Variants in AFAP1L2 observed in about 807,000 individuals in gnomAD.
AFAP1L2 encodes the protein actin filament-associated protein 1-like 2.
AFAP1L2 carries 46 observed loss-of-function variants against 99.3 expected under a neutral mutation model. The observed-to-expected ratio is 0.46, with a 90% CI of 0.37 to 0.59. The LOEUF (loss-of-function observed/expected upper bound fraction) is 0.59. Among genes scored for constraint, AFAP1L2 ranks in the 20% least tolerant of loss-of-function variants. The pLI is 0.00. For synonymous variants in AFAP1L2, 397 were observed against 419.1 expected (o/e 0.95, Z 0.64); for missense variants, 959 against 1,034.9 (o/e 0.93, Z 1.01).
At chr10:114,304,019 T>C (rs948918896) in intron 11 of AFAP1L2, among the ~76,000 whole-genome samples, 1 of 152,210 alleles carries the variant, frequency 6.6e-6, no homozygotes, top group Admixed American at 6.5e-5. Context: ...CATATTCCTG[T>C]GCTGAGAAGA....
intron 5 of AFAP1L2, among the ~76,000 whole-genome samples, chr10:114,320,561 T>C (rs931584800): frequency 6.6e-6 from 1 of 152,194 alleles, no homozygotes; most frequent in African/African-American, 2.4e-5. Flanking sequence ...CAGGGCTATG[T>C]TCCCTCCCAC....
In AFAP1L2 at chr10:114,351,414, T is replaced by A. The variant is rs774682532; in HGVS notation, c.17-10683A>T. On this transcript the variant is annotated intron_variant, in intron 1 of 18. Transcript: ENST00000304129. ...GGGGGAAAATCACCGTATGTCCAGA[T>A]TTACTGTTTCCTTCCAGCATTTGGC... Among the ~76,000 whole-genome samples, 38 of 152,302 alleles carry A rather than the reference T, an allele frequency of 2.5e-4. No homozygotes were observed. The Middle Eastern group carries it at 0.024, about 95-fold the overall frequency.
rs1589944190 is a variant in AFAP1L2, at chr10:114,301,642, G to T, written c.1431-177C>A. Reference sequence around the variant, plus strand: ...GGCACCTCCTCCCTCTTTTCCCAGTGCCTTCTTCCTGAAATTCTTGGTTCG... The same window carrying T: ...GGCACCTCCTCCCTCTTTTCCCAGTTCCTTCTTCCTGAAATTCTTGGTTCG... On this transcript the variant is annotated intron_variant, in intron 12 of 18. Coordinates refer to ENST00000304129, the MANE Select transcript of AFAP1L2 (RefSeq NM_001001936.3). The T allele has an allele frequency of 2.9e-5, 17 of 579,648 alleles. No individual in the cohort carries two copies. In the East Asian group the frequency reaches 4.7e-4, roughly 16 times the overall value. 35.9% of individuals were successfully genotyped at this position (579,648 alleles called of 1,614,324 possible). A position where few individuals can be genotyped will look rare whatever the true frequency, so the allele number is the denominator to read the frequency against.
intron 10 of AFAP1L2, among the ~76,000 whole-genome samples, chr10:114,306,365 G>C (rs1438660770): frequency 6.7e-6 from 1 of 149,388 alleles, no homozygotes; most frequent in African/African-American, 2.4e-5. Context: ...GAGGGGATGC[G>C]GGGGCAGGAG....
chr10:114,400,331 T>C (rs2058109805), intron 1 of AFAP1L2, among the ~76,000 whole-genome samples: 2 of 152,138 alleles, frequency 1.3e-5, no homozygotes, highest in Admixed American at 1.3e-4. Flanking sequence ...CCACTCTGCT[T>C]GGCCTTTCAG....
At chr10:114,321,967 C>T (rs1319426460) in intron 5 of AFAP1L2, among the ~76,000 whole-genome samples, 9 of 152,160 alleles carry the variant, frequency 5.9e-5, no homozygotes, top group Non-Finnish European at 7.3e-5. Context: ...ATAATTCTCA[C>T]GTGTCATGGG....
chr10:114,297,420 A>G lies in AFAP1L2; in HGVS notation c.2114-7T>C. ...CTCGCCAGGACTTCCTTGTCTGGAG[A>G]GAGAATTATGCAGGTGTCAGAGAAC... On this transcript the variant is annotated splice_polypyrimidine_tract_variant and splice_region_variant and intron_variant, in intron 16 of 18. Transcript: ENST00000304129. 1.2e-6 allele frequency: 2 copies of G among 1,610,872 alleles called. No individual in the cohort carries two copies. The highest frequency in any genetic ancestry group is 2.2e-5 in the East Asian group (1 of 44,826).
intron 1 of AFAP1L2, among the ~76,000 whole-genome samples, chr10:114,396,581 G>T (rs2057740904): frequency 6.6e-6 from 1 of 152,164 alleles, no homozygotes; most frequent in South Asian, 2.1e-4. Context: ...AAGCAGGACT[G>T]CCAAAAACAA....
upstream of AFAP1L2, chr10:114,404,510 C>A: frequency 6.6e-7 from 1 of 1,519,692 alleles, no homozygotes; most frequent in Non-Finnish European, 8.8e-7. Context: ...TCTCCCGGCG[C>A]TCGGCTCAGC....
chr10:114,302,914 TACA>T (rs2041471814), intron 11 of AFAP1L2, among the ~76,000 whole-genome samples: 1 of 152,196 alleles, frequency 6.6e-6, no homozygotes, highest in Non-Finnish European at 1.5e-5. Context: ...CAATCCCATA[TACA>T]ACAAGACTTC....
At chr10:114,360,221 C>T (rs1040320538) in intron 1 of AFAP1L2, among the ~76,000 whole-genome samples, 11 of 152,162 alleles carry the variant, frequency 7.2e-5, no homozygotes, top group Non-Finnish European at 1.5e-4. Context: ...TCGGTCTGAG[C>T]TGAGACATCA....
rs1336416595 is a variant in AFAP1L2 at position 114,355,836 on chromosome 10, G to C, written c.17-15105C>G. On this transcript the variant is annotated intron_variant, in intron 1 of 18. Coordinates refer to ENST00000304129, the MANE Select transcript of AFAP1L2 (RefSeq NM_001001936.3). ...AAAATACAAAAAACTAGCCAGGCAT[G>C]GTGGCACATGCCTGTGGTTTCAGCT... Among the ~76,000 whole-genome samples, 3 of 152,180 alleles carry C rather than the reference G, an allele frequency of 2.0e-5. No homozygotes were observed. In the East Asian group the frequency reaches 5.8e-4, roughly 29 times the overall value.
chr10:114,290,337 T>C, downstream of AFAP1L2: 2 of 1,550,616 alleles, frequency 1.3e-6, no homozygotes, highest in Non-Finnish European at 1.7e-6. Flanking sequence ...AGTGTCGGGA[T>C]GGCTGGGAGG....
At chr10:114,341,278 G>T (rs553637787) in intron 1 of AFAP1L2, among the ~76,000 whole-genome samples, 41 of 152,248 alleles carry the variant, frequency 2.7e-4, no homozygotes, top group African/African-American at 9.4e-4. Flanking sequence ...TTGACTGCAC[G>T]GCTTTAAAGT....
At chr10:114,288,348 A>G in the AFAP1L2 span, among the ~76,000 whole-genome samples, 1 of 152,164 alleles carries the variant, frequency 6.6e-6, no homozygotes, top group Non-Finnish European at 1.5e-5. Context: ...CTGTTCCCCT[A>G]GACTGTCAGC....
Position 114,323,228 on chromosome 10 carries a change from T to A in AFAP1L2, c.349A>T (p.Thr117Ser). 2 of 1,601,832 alleles carry A rather than the reference T, an allele frequency of 1.2e-6. No homozygotes were observed. Among genetic ancestry groups the A allele is most frequent in the Non-Finnish European group, 1.7e-6 (2 of 1,173,364 alleles). The change falls in exon 5 of 19, where the codon ACG (threonine) becomes TCG (serine). Residue 117 changes from threonine (T) to serine (S), a missense_variant. Transcript: ENST00000304129. ...TCATAGTAGCCCTCTGGAGACTCCGTCTTTGGGATGGCAAGCTGTTTCCGT... is the reference window on the plus strand; with the variant it reads ...TCATAGTAGCCCTCTGGAGACTCCGACTTTGGGATGGCAAGCTGTTTCCGT... ...PERKQLAIPK[T>S]ESPEGYYEEA...
intron 1 of AFAP1L2, among the ~76,000 whole-genome samples, chr10:114,398,393 A>T (rs2057927130): frequency 6.6e-6 from 1 of 152,242 alleles, no homozygotes; most frequent in Non-Finnish European, 1.5e-5. Context: ...AGAAGCCCCA[A>T]CTTATATCTC....
At chr10:114,309,929 CTCTTT>C (rs1367360961) in intron 8 of AFAP1L2, among the ~76,000 whole-genome samples, 2 of 152,066 alleles carry the variant, frequency 1.3e-5, no homozygotes, top group African/African-American at 4.8e-5. Flanking sequence ...GTTTCTTCTT[CTCTTT>C]TTTCTTTTTT....
chr10:114,389,440 ACCC>A (rs1267762207), intron 1 of AFAP1L2, among the ~76,000 whole-genome samples: 1 of 152,070 alleles, frequency 6.6e-6, no homozygotes, highest in Non-Finnish European at 1.5e-5. Context: ...AGCAAAATGA[ACCC>A]CCTAGCTCAG....
Sources: allele counts gnomAD v4.1 joint callset (sites outside exome capture counted in the v4.1 genomes callset), GRCh38; gene constraint gnomAD v4.1.1; transcripts MANE v1.5; gene names NCBI Gene and HGNC (gene_info 2026-07-23, HGNC 2026-07-21).